Variants in EPHA5 observed in about 807,000 individuals in gnomAD.
The protein encoded by EPHA5 is ephrin type-A receptor 5.
In EPHA5, 60 loss-of-function variants were observed where a neutral mutation model predicts 105.0. The ratio of observed to expected loss-of-function variants is 0.57; its 90% CI spans 0.46 to 0.71. EPHA5 has a LOEUF of 0.71. Among genes scored for constraint, EPHA5 ranks in the 30% least tolerant of loss-of-function variants. The pLI is 0.00. For missense variants in EPHA5, 1,218 were observed against 1,274.7 expected (o/e 0.96, Z 0.68); for synonymous variants, 513 against 449.1 (o/e 1.14, Z -1.80).
intron 16 of EPHA5, chr4:65,331,689 T>A (rs1252018344): frequency 1.7e-6 from 2 of 1,144,332 alleles, no homozygotes; most frequent in Non-Finnish European, 2.1e-6. Flanking sequence ...CAAGAAAACA[T>A]CTTTTCCACA....
chr4:65,548,847 T>G (rs978385553), intron 3 of EPHA5, among the ~76,000 whole-genome samples: 9 of 152,108 alleles, frequency 5.9e-5, no homozygotes, highest in Non-Finnish European at 2.9e-5. Context: ...GCTCACTGAG[T>G]GTTGAGGTGT....
intron 5 of EPHA5, among the ~76,000 whole-genome samples, chr4:65,461,307 GTTC>G (rs2149131111): frequency 6.6e-6 from 1 of 152,000 alleles, no homozygotes; most frequent in East Asian, 1.9e-4. Context: ...CAATCTTGAT[GTTC>G]TTGTTTGTTT....
At chr4:65,471,942 C>T (rs1306033233) in intron 5 of EPHA5, among the ~76,000 whole-genome samples, 1 of 152,086 alleles carries the variant, frequency 6.6e-6, no homozygotes, top group Non-Finnish European at 1.5e-5. Context: ...CAACAGTCCC[C>T]CCAAATCTTA....
At chr4:65,353,262 G>GATAT (rs1553898125) in intron 11 of EPHA5, among the ~76,000 whole-genome samples, 159 bp from the exon 12 acceptor site, 1 of 145,886 alleles carries the variant, frequency 6.9e-6, no homozygotes, top group East Asian at 2.0e-4. Flanking sequence ...TTTATTAAAT[G>GATAT]AAAGATATTT....
intron 14 of EPHA5, among the ~76,000 whole-genome samples, chr4:65,342,263 G>A (rs17751409): frequency 6.6e-6 from 1 of 151,902 alleles, no homozygotes; most frequent in Non-Finnish European, 1.5e-5. Context: ...GAATTTTCAT[G>A]AGGCTACTAG....
At chr4:65,576,074 A>AG (rs1376285834) in intron 3 of EPHA5, among the ~76,000 whole-genome samples, 21 of 85,422 alleles carry the variant, frequency 2.5e-4, no homozygotes, top group African/African-American at 8.9e-4. Context: ...AAAAGAAAAG[A>AG]AAAGAAAAGA....
intron 3 of EPHA5, among the ~76,000 whole-genome samples, chr4:65,530,745 T>G (rs1028762802): frequency 2.0e-5 from 3 of 152,184 alleles, no homozygotes; most frequent in African/African-American, 7.2e-5. Flanking sequence ...ATATAGGTAT[T>G]ATGAATTGAA....
intron 2 of EPHA5, among the ~76,000 whole-genome samples, chr4:65,633,508 AAAAT>A (rs1746835978): frequency 1.3e-5 from 2 of 152,098 alleles, no homozygotes; most frequent in African/African-American, 4.8e-5. Flanking sequence ...AAACAAAACA[AAAAT>A]AATTATACTC....
At chr4:65,486,148 T>G (rs1286124820) in intron 5 of EPHA5, among the ~76,000 whole-genome samples, 1 of 152,164 alleles carries the variant, frequency 6.6e-6, no homozygotes, top group African/African-American at 2.4e-5. Context: ...AGAAAACCTT[T>G]GTTCACAGTG....
chr4:65,571,917 T>C (rs1290174476), intron 3 of EPHA5, among the ~76,000 whole-genome samples: 1 of 152,092 alleles, frequency 6.6e-6, no homozygotes, highest in East Asian at 1.9e-4. Flanking sequence ...AAACCTGTTA[T>C]ATACAGTTAT....
chr4:65,629,659 T>G (rs940075963), intron 2 of EPHA5, among the ~76,000 whole-genome samples: 4 of 152,196 alleles, frequency 2.6e-5, no homozygotes, highest in African/African-American at 9.7e-5. Context: ...TCAGAATTCC[T>G]AAGAGACACT....
At chr4:65,624,094 A>G (rs1362896376) in intron 2 of EPHA5, among the ~76,000 whole-genome samples, 5 of 152,162 alleles carry the variant, frequency 3.3e-5, no homozygotes, top group African/African-American at 1.2e-4. Flanking sequence ...ACATTCCACT[A>G]TTACCAATTA....
chr4:65,590,825 G>T lies in EPHA5; in HGVS notation c.910+10816C>A, dbSNP rs530820767. On this transcript the variant is annotated intron_variant, in intron 3 of 16. Coordinates refer to ENST00000613740, the MANE Select transcript of EPHA5 (RefSeq NM_001281766.3). ...GCATATTATTCCTAATAAGGACCTA[G>T]GATGTAACAGTACTTTTTATTCAGG... Among the ~76,000 whole-genome samples the T allele has an allele frequency of 2.6e-5, 4 of 152,176 alleles. No individual in the cohort carries two copies. The East Asian group carries it at 7.7e-4, about 29-fold the overall frequency.
intron 1 of EPHA5, 105 bp from the exon 2 acceptor site, chr4:65,643,532 A>G: frequency 5.7e-6 from 5 of 878,442 alleles, no homozygotes; most frequent in Non-Finnish European, 9.1e-6. Context: ...ACATAACTGA[A>G]ATTAAGTGTT....
intron 5 of EPHA5, among the ~76,000 whole-genome samples, chr4:65,457,531 T>A (rs1727713874): frequency 6.6e-6 from 1 of 152,084 alleles, no homozygotes; most frequent in Admixed American, 6.6e-5. Flanking sequence ...TGTGAACCAG[T>A]ATTTGCTAAG....
intron 3 of EPHA5, among the ~76,000 whole-genome samples, chr4:65,600,556 A>C (rs1157105998): frequency 6.6e-6 from 1 of 152,152 alleles, no homozygotes. Context: ...TCGATAATCA[A>C]TCTACAGTCA....
intron 1 of EPHA5, among the ~76,000 whole-genome samples, chr4:65,651,199 C>A (rs1357305954): frequency 6.6e-6 from 1 of 152,138 alleles, no homozygotes; most frequent in Admixed American, 6.6e-5. Context: ...GGGAGCAAAG[C>A]TTTCAGATTA....
chr4:65,581,821 A>G (rs186986992), intron 3 of EPHA5, among the ~76,000 whole-genome samples: 45 of 151,940 alleles, frequency 3.0e-4, no homozygotes, highest in Middle Eastern at 6.8e-3. Flanking sequence ...TATATGCTAA[A>G]GTCATGAAGT....
intron 8 of EPHA5, among the ~76,000 whole-genome samples, chr4:65,373,246 C>A (rs1718665967): frequency 1.3e-5 from 2 of 151,772 alleles, no homozygotes; most frequent in South Asian, 2.1e-4. Flanking sequence ...TTTTGCTTAG[C>A]AAGCCTTCCA....
Sources: allele counts gnomAD v4.1 joint callset (sites outside exome capture counted in the v4.1 genomes callset), GRCh38; gene constraint gnomAD v4.1.1; transcripts MANE v1.5; gene names NCBI Gene and HGNC (gene_info 2026-07-23, HGNC 2026-07-21).